Variants in BICD1 observed in about 807,000 individuals in gnomAD.
BICD1 encodes the protein BICD cargo adaptor 1, also known as protein bicaudal D homolog 1.
BICD1 carries 35 observed loss-of-function variants against 92.5 expected under a neutral mutation model. The ratio of observed to expected loss-of-function variants is 0.38; its 90% confidence interval spans 0.29 to 0.50. BICD1 has a LOEUF of 0.50. Among genes scored for constraint, BICD1 ranks in the 20% least tolerant of loss-of-function variants. The pLI, the probability that BICD1 is intolerant of heterozygous loss-of-function variation, is 0.93. For missense variants in BICD1, 950 were observed against 1,189.8 expected (o/e 0.80, Z 2.97); for synonymous variants, 429 against 465.1 (o/e 0.92, Z 1.00).
Position 32,379,455 on chromosome 12 carries a change from C to T in BICD1, c.*1828C>T, listed in dbSNP as rs1359862271. ...CAAAATAAGGGTTCAGGTTAAAGTACAGAAACAGAAACAAAACGATTCGAC... is the reference window on the plus strand; with the variant it reads ...CAAAATAAGGGTTCAGGTTAAAGTATAGAAACAGAAACAAAACGATTCGAC... On this transcript the variant is annotated 3_prime_UTR_variant, in exon 10 of 10. Coordinates refer to ENST00000652176, the MANE Select transcript of BICD1 (RefSeq NM_001714.4). The T allele has an allele frequency of 1.3e-5, 2 of 152,120 alleles. No individual in the cohort carries two copies. The highest frequency in any genetic ancestry group is 2.9e-5 in the Non-Finnish European group (2 of 68,020). The allele number at this position is 152,120 out of a possible 1,614,324, so 9.4% of individuals were successfully genotyped here. A position where few individuals can be genotyped will look rare whatever the true frequency, so the allele number is the denominator to read the frequency against.
intron 1 of BICD1, among the ~76,000 whole-genome samples, chr12:32,178,044 T>TG (rs1162897554): frequency 9.2e-5 from 14 of 151,390 alleles, no homozygotes; most frequent in Non-Finnish European, 1.9e-4. Context: ...TAAAATCTTA[T>TG]GGGGGAAAAA....
chr12:32,256,875 TTCA>T (rs1382775288), intron 2 of BICD1, among the ~76,000 whole-genome samples: 1 of 152,142 alleles, frequency 6.6e-6, no homozygotes, highest in Non-Finnish European at 1.5e-5. Context: ...AATTATGCAG[TTCA>T]TCATCAGACA....
chr12:32,339,348 A>C (rs1479984144), intron 8 of BICD1: 1 of 996,530 alleles, frequency 1.0e-6, no homozygotes, highest in African/African-American at 1.7e-5. Context: ...TTTTTAATGT[A>C]ATTTCCGTAA....
chr12:32,276,896 TA>T (rs879891125), intron 2 of BICD1, among the ~76,000 whole-genome samples: 4 of 152,190 alleles, frequency 2.6e-5, no homozygotes, highest in Non-Finnish European at 4.4e-5. Context: ...AAGCAATAGG[TA>T]AAAAAATGAC....
chr12:32,154,975 G>A (rs1395233417), intron 1 of BICD1, among the ~76,000 whole-genome samples: 1 of 151,912 alleles, frequency 6.6e-6, no homozygotes, highest in Non-Finnish European at 1.5e-5. Flanking sequence ...TCTGCAATTA[G>A]ACAGAAAAAT....
Position 32,156,881 on chromosome 12 carries a change from G to C in BICD1, c.213+49337G>C, listed in dbSNP as rs55700152. On this transcript the variant is annotated intron_variant, in intron 1 of 9. Transcript: ENST00000652176. ...CTAGTGGTCAAGAAACATTCCAACT[G>C]TTTGAATTCTCCTCTCCAAACAGGA... 9.1e-3 allele frequency among the ~76,000 whole-genome samples: 1,389 copies of C among 152,212 alleles called. 26 individuals carry two copies. Among genetic ancestry groups the C allele is most frequent in the African/African-American group, 0.032 (1,315 of 41,532 alleles).
In BICD1 at chr12:32,182,113, T is replaced by C. The variant is rs117682475; in HGVS notation, c.214-34134T>C. ...TAAAGCAGAATTTAAAGAATATCAA[T>C]GTAAAACAGGAAACTTCTCATTGTA... On this transcript the variant is annotated intron_variant, in intron 1 of 9. Coordinates refer to ENST00000652176, the MANE Select transcript of BICD1 (RefSeq NM_001714.4). 2.1e-3 allele frequency among the ~76,000 whole-genome samples: 322 copies of C among 151,974 alleles called. 9 individuals are homozygous for C. The East Asian group carries it at 0.051, about 24-fold the overall frequency.
At chr12:32,109,985 C>A (rs1021443098) in intron 1 of BICD1, among the ~76,000 whole-genome samples, 1 of 152,058 alleles carries the variant, frequency 6.6e-6, no homozygotes. Context: ...TAAAGCCAAG[C>A]ATAAAATAAA....
chr12:32,306,860 C>T (rs1429567904), intron 4 of BICD1, among the ~76,000 whole-genome samples: 1 of 149,354 alleles, frequency 6.7e-6, no homozygotes, highest in South Asian at 2.1e-4. Flanking sequence ...ACTAAAAATA[C>T]AAAAAATTAG....
At chr12:32,192,034 G>A (rs1944583409) in intron 1 of BICD1, among the ~76,000 whole-genome samples, 1 of 152,178 alleles carries the variant, frequency 6.6e-6, no homozygotes, top group African/African-American at 2.4e-5. Context: ...AGTGAAGAAG[G>A]CATATTGAAA....
chr12:32,205,307 A>G (rs1442534430), intron 1 of BICD1, among the ~76,000 whole-genome samples: 1 of 152,122 alleles, frequency 6.6e-6, no homozygotes, highest in Non-Finnish European at 1.5e-5. Context: ...AAATTAGTTA[A>G]CTCAGAATGG....
intron 9 of BICD1, among the ~76,000 whole-genome samples, chr12:32,375,017 C>G (rs1939890214): frequency 7.4e-6 from 1 of 134,984 alleles, no homozygotes; most frequent in Admixed American, 8.5e-5. Context: ...CTCCCGGGTT[C>G]ACGCCATTCT....
intron 1 of BICD1, among the ~76,000 whole-genome samples, chr12:32,116,914 C>G (rs1464694186): frequency 6.6e-6 from 1 of 151,756 alleles, no homozygotes; most frequent in Non-Finnish European, 1.5e-5. Context: ...TCATAGTTCC[C>G]TTTTTCTTTG....
chr12:32,275,182 G>A (rs1947243298), intron 2 of BICD1, among the ~76,000 whole-genome samples: 2 of 152,258 alleles, frequency 1.3e-5, no homozygotes, highest in Admixed American at 6.5e-5. Context: ...TAAATTACAC[G>A]TATAAATAAA....
rs1555171288 is a variant in BICD1 at position 32,346,657 on chromosome 12, T to TACAC, written c.2764+7687_2764+7690dup. Among the ~76,000 whole-genome samples, 27 of 14,788 alleles carry TACAC rather than the reference T, an allele frequency of 1.8e-3. 3 individuals are homozygous for TACAC. The highest frequency in any genetic ancestry group is 3.1e-3 in the Non-Finnish European group (22 of 7,160). 9.7% of individuals were successfully genotyped at this position (14,788 alleles called of 152,430 possible). ...ATACGTGTATATATATATATATATA[T>TACAC]ACACACACACACGCACACACACACA... On this transcript the variant is annotated intron_variant, in intron 8 of 9. Coordinates refer to ENST00000652176, the MANE Select transcript of BICD1 (RefSeq NM_001714.4).
At position 32,381,491 on chromosome 12, in the gene BICD1, C is replaced by T. The variant is rs988888356; in HGVS notation, c.*3864C>T. The T allele has an allele frequency of 6.6e-6, 1 of 152,040 alleles. No homozygotes were observed. Among genetic ancestry groups the T allele is most frequent in the Non-Finnish European group, 1.5e-5 (1 of 67,974 alleles). The allele number at this position is 152,040 out of a possible 1,614,324, so 9.4% of individuals were successfully genotyped here. On this transcript the variant is annotated 3_prime_UTR_variant, in exon 10 of 10. Coordinates refer to ENST00000652176, the MANE Select transcript of BICD1 (RefSeq NM_001714.4). ...CAAGCATGAAACATTGGTCCAATAA[C>T]CTAAGAATGTGGAGATTTCTTGATA...
At chr12:32,184,199 A>G (rs1029977358) in intron 1 of BICD1, among the ~76,000 whole-genome samples, 3 of 152,166 alleles carry the variant, frequency 2.0e-5, no homozygotes, top group Non-Finnish European at 4.4e-5. Flanking sequence ...ATATTTGTTG[A>G]TTTGATTTCA....
chr12:32,378,599 C>T lies in BICD1; in HGVS notation c.*972C>T, dbSNP rs537974193. The T allele has an allele frequency of 1.3e-5, 2 of 152,098 alleles. No homozygotes were observed. Among genetic ancestry groups the T allele is most frequent in the African/African-American group, 4.8e-5 (2 of 41,416 alleles). The allele number at this position is 152,098 out of a possible 1,614,324, so 9.4% of individuals were successfully genotyped here. On this transcript the variant is annotated 3_prime_UTR_variant, in exon 10 of 10. Coordinates refer to ENST00000652176, the MANE Select transcript of BICD1 (RefSeq NM_001714.4). ...TCCCAAAATCAGGGTCCTACTGAGTCTTTCCTGATAAAAGGTATCAAGTAC... is the reference window on the plus strand; with the variant it reads ...TCCCAAAATCAGGGTCCTACTGAGTTTTTCCTGATAAAAGGTATCAAGTAC...
intron 4 of BICD1, among the ~76,000 whole-genome samples, chr12:32,311,211 C>A (rs1669608740): frequency 6.6e-6 from 1 of 152,108 alleles, no homozygotes; most frequent in Non-Finnish European, 1.5e-5. Context: ...TTAAGAAATA[C>A]ATTGGGCCGG....
Sources: allele counts gnomAD v4.1 joint callset (sites outside exome capture counted in the v4.1 genomes callset), GRCh38; gene constraint gnomAD v4.1.1; transcripts MANE v1.5; gene names NCBI Gene and HGNC (gene_info 2026-07-23, HGNC 2026-07-21).